SLC44A1: variants seen among roughly 807,000 people sequenced by gnomAD.
SLC44A1 encodes the protein solute carrier family 44 member 1, also known as choline transporter-like protein 1.
Under a neutral mutation model 79.3 loss-of-function variants are expected in SLC44A1, and 26 were observed. That is an observed-to-expected ratio of 0.33 (90% CI 0.24 to 0.46). SLC44A1 has a LOEUF of 0.46. Ranked by LOEUF, SLC44A1 falls within the 20% of genes least tolerant of loss-of-function variation. The pLI is 1.00. For synonymous variants in SLC44A1, 263 were observed against 286.2 expected, an observed-to-expected ratio of 0.92 and a Z score of 0.82; for missense variants, 688 against 798.1, an observed-to-expected ratio of 0.86 and a Z score of 1.66.
At chr9:105,428,980 A>C (rs1331041756) in intron 15 of SLC44A1, among the ~76,000 whole-genome samples, 1 of 152,250 alleles carries the variant, frequency 6.6e-6, no homozygotes, top group Admixed American at 6.5e-5. Flanking sequence ...CTGGGATTAC[A>C]GGCATGAGCC....
chr9:105,400,385 A>C (rs1828942230), downstream of SLC44A1, among the ~76,000 whole-genome samples: 1 of 152,040 alleles, frequency 6.6e-6, no homozygotes, highest in Admixed American at 6.6e-5. Context: ...GCTACTCGGG[A>C]GGCTGAGGCA....
At chr9:105,312,726 G>A (rs1831213123) in intron 3 of SLC44A1, among the ~76,000 whole-genome samples, 1 of 152,126 alleles carries the variant, frequency 6.6e-6, no homozygotes, top group African/African-American at 2.4e-5. Flanking sequence ...AGAAAATGGT[G>A]TTTTATAGTT....
At chr9:105,339,258 A>G (rs1462937597) in intron 4 of SLC44A1, among the ~76,000 whole-genome samples, 1 of 152,164 alleles carries the variant, frequency 6.6e-6, no homozygotes, top group African/African-American at 2.4e-5. Context: ...AAATCACACA[A>G]GTGTTGGTGA....
chr9:105,424,964 A>AAAAAG (rs1554691707), intron 15 of SLC44A1, among the ~76,000 whole-genome samples: 8 of 148,206 alleles, frequency 5.4e-5, no homozygotes, highest in African/African-American at 2.1e-4. Context: ...AAAAAAAAAG[A>AAAAAG]AAAGAAAGAA....
At chr9:105,402,261 C>T (rs1002995025), downstream of SLC44A1, among the ~76,000 whole-genome samples, 1 of 151,974 alleles carries the variant, frequency 6.6e-6, no homozygotes, top group African/African-American at 2.4e-5. Context: ...AAGAGAAAGA[C>T]TTGGGAGGAA....
At chr9:105,266,574 T>C (rs1393710237) in intron 1 of SLC44A1, among the ~76,000 whole-genome samples, 1 of 152,238 alleles carries the variant, frequency 6.6e-6, no homozygotes, top group Non-Finnish European at 1.5e-5. Context: ...GACTATGTTT[T>C]CCATTGAATT....
intron 13 of SLC44A1, among the ~76,000 whole-genome samples, chr9:105,379,871 T>A (rs1352709529): frequency 6.6e-6 from 1 of 152,260 alleles, no homozygotes; most frequent in Non-Finnish European, 1.5e-5. Flanking sequence ...TGGTAATATC[T>A]TTTCTCACAC....
At chr9:105,261,890 C>T (rs1829849510) in intron 1 of SLC44A1, among the ~76,000 whole-genome samples, 1 of 151,404 alleles carries the variant, frequency 6.6e-6, no homozygotes, top group South Asian at 2.1e-4. Context: ...AGTGATTCTC[C>T]TATCTCAGCC....
Position 105,397,271 on chromosome 9 carries a change from T to A in SLC44A1, c.*8215T>A. On this transcript the variant is annotated 3_prime_UTR_variant, in exon 16 of 16. Transcript: ENST00000374720. ...TGTGTACTGACTCAGTTGCCAGAAT[T>A]ATAATGAAAACTGTATTTTAGTCTA... 1 of 984,584 alleles carries A rather than the reference T, an allele frequency of 1.0e-6. No individual in the cohort carries two copies. The allele number at this position is 984,584 out of a possible 1,614,324, so 61.0% of individuals were successfully genotyped here.
intron 1 of SLC44A1, among the ~76,000 whole-genome samples, chr9:105,254,399 T>G (rs1047743992): frequency 1.3e-5 from 2 of 152,104 alleles, no homozygotes; most frequent in Non-Finnish European, 2.9e-5. Context: ...TGCAATTGAT[T>G]TAGAGTAACC....
chr9:105,275,806 T>TA (rs1435649302), intron 1 of SLC44A1, among the ~76,000 whole-genome samples: 1 of 145,310 alleles, frequency 6.9e-6, no homozygotes, highest in East Asian at 2.0e-4. Context: ...GAAGAACAAT[T>TA]TTTTTTTTTT....
At position 105,395,624 on chromosome 9, in the gene SLC44A1, G is replaced by A; in HGVS notation, c.*6568G>A. On this transcript the variant is annotated 3_prime_UTR_variant, in exon 16 of 16. Transcript: ENST00000374720. Reference sequence around the variant, plus strand: ...GTAAGTCCAGTCTAAGTATCTAAATGTGATATGCCCTTTTGTCACAGAAGT... The same window carrying A: ...GTAAGTCCAGTCTAAGTATCTAAATATGATATGCCCTTTTGTCACAGAAGT... The A allele has an allele frequency of 3.0e-6, 3 of 985,386 alleles. No individual in the cohort carries two copies. The highest frequency in any genetic ancestry group is 2.4e-6 in the Non-Finnish European group (2 of 829,866). The allele number at this position is 985,386 out of a possible 1,614,324, so 61.0% of individuals were successfully genotyped here.
rs1179466101 is a variant in SLC44A1 at position 105,382,319 on chromosome 9, A to G, written c.1633-804A>G. Among the ~76,000 whole-genome samples, 7 of 152,232 alleles carry G rather than the reference A, an allele frequency of 4.6e-5. No homozygotes were observed. The South Asian group carries it at 1.2e-3, about 27-fold the overall frequency. The stretch of plus-strand genomic sequence containing the variant: ...GTATTTTAAAAACCACAAAAAATTT[A>G]AAATGCTGCATGTGAAATAAGCATC... On this transcript the variant is annotated intron_variant, in intron 13 of 15. Transcript: ENST00000374720.
intron 2 of SLC44A1, among the ~76,000 whole-genome samples, chr9:105,300,421 T>C (rs768670841): frequency 1.3e-5 from 2 of 152,214 alleles, no homozygotes; most frequent in Non-Finnish European, 2.9e-5. Flanking sequence ...AGTTTCTTTA[T>C]GAAAATCTTG....
In SLC44A1 at chr9:105,394,405, G is replaced by T. The variant is rs1329081174; in HGVS notation, c.*5349G>T. ...ACAGTAAGATTTTCTTTCCTTGGAG[G>T]TATGAGGGTGTGTATGTGTGTGTGT... On this transcript the variant is annotated 3_prime_UTR_variant, in exon 16 of 16. Transcript: ENST00000374720. 2.8e-5 allele frequency: 27 copies of T among 966,858 alleles called. No individual in the cohort carries two copies. Among genetic ancestry groups the T allele is most frequent in the Non-Finnish European group, 3.0e-5 (25 of 824,946 alleles). The allele number at this position is 966,858 out of a possible 1,614,324, so 59.9% of individuals were successfully genotyped here.
chr9:105,427,980 T>C (rs1249329265), intron 15 of SLC44A1, among the ~76,000 whole-genome samples: 1 of 152,212 alleles, frequency 6.6e-6, no homozygotes, highest in Non-Finnish European at 1.5e-5. Flanking sequence ...CATTTTGTTA[T>C]TGAGATGTCA....
rs373007661 is a variant in SLC44A1 at position 105,299,181 on chromosome 9, T to G, written c.37-39T>G. The G allele has an allele frequency of 2.7e-5, 39 of 1,457,324 alleles. No individual in the cohort carries two copies. The African/African-American group carries it at 4.9e-4, about 18-fold the overall frequency. The allele number at this position is 1,457,324 out of a possible 1,614,324, so 90.3% of individuals were successfully genotyped here. ...TGTGCCCTTCTAACTTTAACTAAAC[T>G]TAGCATTTAACACTCTCTTATTTTG... On this transcript the variant is annotated intron_variant, in intron 1 of 15. Coordinates refer to ENST00000374720, the MANE Select transcript of SLC44A1 (RefSeq NM_080546.5).
chr9:105,410,335 A>T (rs1350150553), intron 15 of SLC44A1, among the ~76,000 whole-genome samples: 1 of 152,240 alleles, frequency 6.6e-6, no homozygotes, highest in African/African-American at 2.4e-5. Flanking sequence ...CATGTATCTG[A>T]TAAAGGTCTA....
At chr9:105,404,172 T>G (rs555592976) in intron 15 of SLC44A1, among the ~76,000 whole-genome samples, 1 of 145,180 alleles carries the variant, frequency 6.9e-6, no homozygotes, top group Admixed American at 6.8e-5. Flanking sequence ...GAGGCGGAGG[T>G]TGCAGTGAGC....
Sources: gnomAD v4.1 joint callset for allele counts (sites outside exome capture counted in the v4.1 genomes callset) on GRCh38, gnomAD v4.1.1 for gene constraint, MANE v1.5 for transcripts, NCBI Gene and HGNC (gene_info 2026-07-23, HGNC 2026-07-21) for gene names.